LRMDA: variants seen among roughly 807,000 people sequenced by gnomAD.
LRMDA encodes leucine-rich melanocyte differentiation-associated protein.
A neutral mutation model predicts 29.8 loss-of-function variants in LRMDA; 18 were observed. The observed-to-expected ratio is 0.60, with a 90% CI of 0.42 to 0.90. LRMDA has a LOEUF of 0.90. Among genes scored for constraint, LRMDA ranks in the 40% least tolerant of loss-of-function variants. LRMDA has a pLI of 0.00. For missense variants in LRMDA, 273 were observed against 273.9 expected (o/e 1.00, Z 0.02); for synonymous variants, 125 against 109.4 (o/e 1.14, Z -0.89).
At chr10:76,240,401 T>A (rs1476233162) in intron 5 of LRMDA, among the ~76,000 whole-genome samples, 1 of 148,490 alleles carries the variant, frequency 6.7e-6, no homozygotes, top group Non-Finnish European at 1.5e-5. Flanking sequence ...ATAATAAATA[T>A]ATGTAATATA....
At chr10:75,826,365 C>T in intron 2 of LRMDA, among the ~76,000 whole-genome samples, 1 of 152,132 alleles carries the variant, frequency 6.6e-6, no homozygotes. Flanking sequence ...TACCTTTCTG[C>T]TTGTGTGTGC....
chr10:75,850,719 T>C (rs1029375619), intron 2 of LRMDA, among the ~76,000 whole-genome samples: 2 of 152,196 alleles, frequency 1.3e-5, no homozygotes, highest in African/African-American at 4.8e-5. Flanking sequence ...TTGGAGTTTA[T>C]AATCTACTGG....
At chr10:75,433,399 C>T (rs1270906056) in intron 1 of LRMDA, among the ~76,000 whole-genome samples, 2 of 152,148 alleles carry the variant, frequency 1.3e-5, no homozygotes, top group Admixed American at 6.5e-5. Flanking sequence ...GCATTTTAGG[C>T]CCTTGGGGAC....
At chr10:75,562,833 T>C in intron 2 of LRMDA, among the ~76,000 whole-genome samples, 1 of 152,206 alleles carries the variant, frequency 6.6e-6, no homozygotes. Context: ...AAAATTCTTT[T>C]CTTTAAGTAT....
chr10:76,104,867 T>G (rs1037964472), intron 5 of LRMDA, among the ~76,000 whole-genome samples: 3 of 152,106 alleles, frequency 2.0e-5, no homozygotes, highest in Non-Finnish European at 4.4e-5. Context: ...GCCTTTCTCC[T>G]GCACTCCCCT....
At chr10:76,029,095 A>T (rs368213166) in intron 2 of LRMDA, among the ~76,000 whole-genome samples, 74 of 152,222 alleles carry the variant, frequency 4.9e-4, no homozygotes, top group African/African-American at 1.7e-3. Flanking sequence ...GATTACAGGC[A>T]TGAGCCATCA....
At chr10:75,947,558 C>A (rs997343044) in intron 2 of LRMDA, among the ~76,000 whole-genome samples, 2 of 152,156 alleles carry the variant, frequency 1.3e-5, no homozygotes, top group African/African-American at 2.4e-5. Flanking sequence ...TACTGATGAG[C>A]CTGACTTTGA....
chr10:76,242,273 C>T (rs1367780675), intron 5 of LRMDA: 1 of 152,274 alleles, frequency 6.6e-6, no homozygotes, highest in East Asian at 1.9e-4. Context: ...CTTCTCACCT[C>T]AGCCTCCTGA....
intron 6 of LRMDA, among the ~76,000 whole-genome samples, chr10:76,453,271 C>T (rs1186611333): frequency 6.6e-6 from 1 of 152,124 alleles, no homozygotes; most frequent in African/African-American, 2.4e-5. Context: ...GGGATTCTGC[C>T]ATGCCAGTAC....
chr10:75,460,721 G>GT lies in LRMDA; in HGVS notation c.131+22234dup, dbSNP rs1409806417. 3.3e-5 allele frequency among the ~76,000 whole-genome samples: 5 copies of GT among 151,836 alleles called. No individual in the cohort carries two copies. In the East Asian group the frequency reaches 5.8e-4, roughly 18 times the overall value. On this transcript the variant is annotated intron_variant, in intron 2 of 6. Coordinates refer to ENST00000611255, the MANE Select transcript of LRMDA (RefSeq NM_001305581.2). ...GCCTGTATAAAAGGTCTTGACTTCT[G>GT]TTTTTTTCTCTTAATGTCTCATGAT...
At chr10:75,710,453 T>C (rs996464876) in intron 2 of LRMDA, among the ~76,000 whole-genome samples, 2 of 152,240 alleles carry the variant, frequency 1.3e-5, no homozygotes, top group Non-Finnish European at 1.5e-5. Flanking sequence ...AGAATACTCA[T>C]TTGGTAGCTG....
intron 5 of LRMDA, chr10:76,318,550 C>T (rs1285121478): frequency 6.6e-6 from 1 of 152,628 alleles, no homozygotes; most frequent in African/African-American, 2.4e-5. Context: ...TGCCCAGACT[C>T]TGACCTCTTC....
At chr10:76,294,590 G>A (rs1307317515) in intron 5 of LRMDA, among the ~76,000 whole-genome samples, 1 of 152,088 alleles carries the variant, frequency 6.6e-6, no homozygotes, top group Non-Finnish European at 1.5e-5. Flanking sequence ...AACTTTCAAA[G>A]TATAAAGTTG....
intron 6 of LRMDA, among the ~76,000 whole-genome samples, chr10:76,439,706 C>T (rs1338031126): frequency 1.3e-5 from 2 of 152,182 alleles, no homozygotes; most frequent in Non-Finnish European, 2.9e-5. Context: ...TGCCACTGCG[C>T]CTGCACCCAG....
intron 5 of LRMDA, among the ~76,000 whole-genome samples, chr10:76,241,595 G>A (rs140615692): frequency 1.0e-3 from 155 of 152,282 alleles, no homozygotes; most frequent in African/African-American, 3.2e-3. Context: ...ATGGGAATAT[G>A]AAGTGTTTCC....
At chr10:76,115,483 G>C (rs1213378056) in intron 5 of LRMDA, among the ~76,000 whole-genome samples, 3 of 152,176 alleles carry the variant, frequency 2.0e-5, no homozygotes, top group Non-Finnish European at 4.4e-5. Flanking sequence ...CCTGCCAGTT[G>C]GCAAAGCAAA....
At chr10:76,056,221 T>C (rs920026947) in intron 4 of LRMDA, among the ~76,000 whole-genome samples, 3 of 152,178 alleles carry the variant, frequency 2.0e-5, no homozygotes, top group African/African-American at 7.2e-5. Flanking sequence ...GGTTGTTCCA[T>C]CAACTGCCCA....
At chr10:76,159,577 C>A (rs562651179) in intron 5 of LRMDA, among the ~76,000 whole-genome samples, 1 of 152,096 alleles carries the variant, frequency 6.6e-6, no homozygotes, top group Non-Finnish European at 1.5e-5. Flanking sequence ...TAGAAACTTG[C>A]GTTCAGGTGC....
intron 2 of LRMDA, among the ~76,000 whole-genome samples, chr10:75,681,198 G>C (rs1465022518): frequency 6.6e-6 from 1 of 152,212 alleles, no homozygotes; most frequent in Admixed American, 6.5e-5. Flanking sequence ...AATGCAGAGA[G>C]AGCTGAAACC....
Sources: allele counts gnomAD v4.1 joint callset (sites outside exome capture counted in the v4.1 genomes callset), GRCh38; gene constraint gnomAD v4.1.1; transcripts MANE v1.5; gene names NCBI Gene and HGNC (gene_info 2026-07-23, HGNC 2026-07-21).